The following P2RX1 variants were observed in gnomAD, a reference collection of about 807,000 sequenced individuals.
The protein encoded by P2RX1 is purinergic receptor P2X 1, also known as P2X purinoceptor 1.
A neutral mutation model predicts 50.3 loss-of-function variants in P2RX1; 42 were observed. The observed-to-expected ratio is 0.83, with a 90% CI of 0.65 to 1.08. The LOEUF (loss-of-function observed/expected upper bound fraction) is 1.08. Ranked by LOEUF, P2RX1 falls within the 50% of genes least tolerant of loss-of-function variation. The pLI is 0.00. For synonymous variants in P2RX1, 199 were observed against 202.6 expected, an observed-to-expected ratio of 0.98 and a Z score of 0.15; for missense variants, 449 against 529.0, an observed-to-expected ratio of 0.85 and a Z score of 1.48.
At chr17:3,906,637 C>A (rs947360235) in intron 1 of P2RX1, among the ~76,000 whole-genome samples, 2 of 152,256 alleles carry the variant, frequency 1.3e-5, no homozygotes, top group African/African-American at 4.8e-5. Flanking sequence ...TCGGTCGAGG[C>A]ACTGTGGGAG....
In P2RX1 at chr17:3,903,709, G is replaced by T. The variant is rs926729365; in HGVS notation, c.525-78C>A. The T allele has an allele frequency of 4.7e-6, 7 of 1,498,890 alleles. No individual in the cohort carries two copies. Among genetic ancestry groups the T allele is most frequent in the Non-Finnish European group, 6.5e-6 (7 of 1,079,976 alleles). 92.8% of individuals were successfully genotyped at this position (1,498,890 alleles called of 1,614,324 possible). A position where few individuals can be genotyped will look rare whatever the true frequency, so the allele number is the denominator to read the frequency against. On this transcript the variant is annotated intron_variant, in intron 5 of 11. Coordinates refer to ENST00000225538, the MANE Select transcript of P2RX1 (RefSeq NM_002558.4). This position sits in a 1 kb window ranked among gnomAD's most constrained non-coding sequence, Gnocchi z 4.6. Reference sequence around the variant, plus strand: ...TCCCACACAGAGCTTGGCACAGCAGGGGGTGGGCCGAGCCTCCGGGACCCG... The same window carrying T: ...TCCCACACAGAGCTTGGCACAGCAGTGGGTGGGCCGAGCCTCCGGGACCCG...
intron 1 of P2RX1, chr17:3,915,775 T>C (rs890214694): frequency 5.8e-6 from 3 of 519,902 alleles, no homozygotes; most frequent in Non-Finnish European, 1.1e-5. Context: ...TCAGTGGCTG[T>C]GGTTGGTGGT....
At chr17:3,900,965 C>T (rs1351554562) in intron 7 of P2RX1, among the ~76,000 whole-genome samples, 1 of 152,146 alleles carries the variant, frequency 6.6e-6, no homozygotes, top group Non-Finnish European at 1.5e-5. Context: ...GGCTGAGCAA[C>T]AGGAGAAGAG....
intron 1 of P2RX1, among the ~76,000 whole-genome samples, chr17:3,910,905 CTG>C (rs1205403810): frequency 2.0e-5 from 3 of 152,222 alleles, no homozygotes; most frequent in African/African-American, 4.8e-5. Flanking sequence ...TCAACAAACA[CTG>C]TGTGTTGAAT....
At chr17:3,911,538 G>T (rs142726695) in intron 1 of P2RX1, among the ~76,000 whole-genome samples, 15 of 72,616 alleles carry the variant, frequency 2.1e-4, no homozygotes, top group African/African-American at 7.7e-4. Context: ...GTCCCGCCCC[G>T]TCCCCCCTTC....
chr17:3,899,541 C>G, intron 8 of P2RX1, 93 bp downstream of exon 8: 2 of 1,547,840 alleles, frequency 1.3e-6, no homozygotes, highest in Non-Finnish European at 1.8e-6. Flanking sequence ...CTGCTCCCCT[C>G]TGGGGACACT....
At chr17:3,904,426 C>G in intron 3 of P2RX1, 27 bp from the exon 4 acceptor site, 1 of 1,606,682 alleles carries the variant, frequency 6.2e-7, no homozygotes, top group Non-Finnish European at 8.5e-7. Context: ...CTGCTGGTCC[C>G]AGGCCCCTTG....
At chr17:3,906,447 G>A (rs2056265518) in intron 1 of P2RX1, among the ~76,000 whole-genome samples, 1 of 152,204 alleles carries the variant, frequency 6.6e-6, no homozygotes, top group Non-Finnish European at 1.5e-5. Context: ...GGTACTTCTT[G>A]TAGTGATCAA....
At chr17:3,899,540 T>C in intron 8 of P2RX1, 94 bp downstream of exon 8, 1 of 1,543,578 alleles carries the variant, frequency 6.5e-7, no homozygotes, top group Non-Finnish European at 8.9e-7. Context: ...TCTGCTCCCC[T>C]CTGGGGACAC....
At position 3,916,320 on chromosome 17, in the gene P2RX1, T is replaced by C. The variant is rs1339893830; in HGVS notation, c.-95A>G. The C allele has an allele frequency of 1.8e-5, 26 of 1,422,802 alleles. No individual in the cohort carries two copies. The highest frequency in any genetic ancestry group is 2.4e-5 in the Non-Finnish European group (25 of 1,032,014). 88.1% of individuals were successfully genotyped at this position (1,422,802 alleles called of 1,614,324 possible). A position where few individuals can be genotyped will look rare whatever the true frequency, so the allele number is the denominator to read the frequency against. ...CCACCCACGTCGATGGTAGAGCTTCTGGGGGCTTCCTGGCCCCTTAGGAAG... is the reference window on the plus strand; with the variant it reads ...CCACCCACGTCGATGGTAGAGCTTCCGGGGGCTTCCTGGCCCCTTAGGAAG... On this transcript the variant is annotated 5_prime_UTR_variant, in exon 1 of 12. Transcript: ENST00000225538.
intron 1 of P2RX1, among the ~76,000 whole-genome samples, chr17:3,908,297 A>C (rs934040511): frequency 2.6e-5 from 4 of 152,316 alleles, no homozygotes; most frequent in Non-Finnish European, 5.9e-5. Context: ...GCGGTGGCTC[A>C]TGCCTGTAAT....
chr17:3,903,703 C>T lies in P2RX1; in HGVS notation c.525-72G>A, dbSNP rs112395881. ...TGTGTGTCCCACACAGAGCTTGGCA[C>T]AGCAGGGGGTGGGCCGAGCCTCCGG... is the stretch of plus-strand genomic sequence containing the variant. On this transcript the variant is annotated intron_variant, in intron 5 of 11. Transcript: ENST00000225538. The surrounding 1 kb of genome is among the most constrained non-coding windows in gnomAD (Gnocchi z 4.6). 2,165 of 1,527,206 alleles carry T rather than the reference C, an allele frequency of 1.4e-3. 39 individuals carry two copies. In the African/African-American group the frequency reaches 0.027, roughly 19 times the overall value. The allele number at this position is 1,527,206 out of a possible 1,614,324, so 94.6% of individuals were successfully genotyped here.
rs761244246 is a variant in P2RX1 at position 3,898,031 on chromosome 17, G to A, written c.1112C>T (p.Ala371Val). 6.2e-7 allele frequency: 1 copy of A among 1,613,654 alleles called. No individual in the cohort carries two copies. Among genetic ancestry groups the A allele is most frequent in the Non-Finnish European group, 8.5e-7 (1 of 1,179,908 alleles). ...TACCGCCCCTGGCCCCATGTCCTCA[G>A]CGTATTTGAACTTCTTCTGCTTGTA... The part of the protein sequence containing the change: ...HYYKQKKFKY[A>V]EDMGPGAAER... Residue 371 changes from alanine (A) to valine (V), a missense_variant, in exon 11 of 12, where the codon GCT (alanine) becomes GTT (valine). Ala to Val is a moderately conservative substitution (Grantham distance 64). Transcript: ENST00000225538.
Position 3,903,834 on chromosome 17 carries a change from T to C in P2RX1, c.524+94A>G. The stretch of plus-strand genomic sequence containing the variant: ...TTGCGCGGATGGGGTGAGGGTGGGG[T>C]CAGAAAAAGGGGTAAAGATCCTTTC... On this transcript the variant is annotated intron_variant, in intron 5 of 11. Coordinates refer to ENST00000225538, the MANE Select transcript of P2RX1 (RefSeq NM_002558.4). This position sits in a 1 kb window ranked among gnomAD's most constrained non-coding sequence, Gnocchi z 4.6. 1 of 1,214,806 alleles carries C rather than the reference T, an allele frequency of 8.2e-7. No homozygotes were observed. Among genetic ancestry groups the C allele is most frequent in the Non-Finnish European group, 1.2e-6 (1 of 823,488 alleles). 75.3% of individuals were successfully genotyped at this position (1,214,806 alleles called of 1,614,324 possible).
At chr17:3,899,209 CTT>C (rs1268774751) in intron 8 of P2RX1, among the ~76,000 whole-genome samples, 185 bp from the exon 9 acceptor site, 2 of 139,238 alleles carry the variant, frequency 1.4e-5, no homozygotes, top group Non-Finnish European at 3.1e-5. Context: ...ACTCCTTTTT[CTT>C]TTTTTTTTTT....
chr17:3,904,191 C>T lies in P2RX1; in HGVS notation c.427+139G>A, dbSNP rs374953058. ...CCAAGCCAGGGCGGAGGAGGGGAGA[C>T]GGCAGGAGGGAGTCCCTCCCGGAGG... is the stretch of plus-strand genomic sequence containing the variant. On this transcript the variant is annotated intron_variant, in intron 4 of 11. Transcript: ENST00000225538. 4.7e-5 allele frequency: 47 copies of T among 1,009,720 alleles called. 1 individual carries two copies. The highest frequency in any genetic ancestry group is 3.9e-4 in the East Asian group (16 of 40,766). The allele number at this position is 1,009,720 out of a possible 1,614,324, so 62.5% of individuals were successfully genotyped here.
In P2RX1 at chr17:3,911,440, T is replaced by C. The variant is rs532719047; in HGVS notation, c.137+4649A>G. Reference sequence around the variant, plus strand: ...CAGGTGTTACGTGCTGCGGCAACAATGGGCAGAAGCTGAGCAGGGGCCGCC... The same window carrying C: ...CAGGTGTTACGTGCTGCGGCAACAACGGGCAGAAGCTGAGCAGGGGCCGCC... On this transcript the variant is annotated intron_variant, in intron 1 of 11. Coordinates refer to ENST00000225538, the MANE Select transcript of P2RX1 (RefSeq NM_002558.4). 2.0e-5 allele frequency among the ~76,000 whole-genome samples: 3 copies of C among 152,336 alleles called. No individual in the cohort carries two copies. The South Asian group carries it at 6.2e-4, about 32-fold the overall frequency.
At chr17:3,913,940 GCTGGGT>G (rs1476997486) in intron 1 of P2RX1, among the ~76,000 whole-genome samples, 1 of 152,244 alleles carries the variant, frequency 6.6e-6, no homozygotes, top group Non-Finnish European at 1.5e-5. Flanking sequence ...CCAAGTCCAG[GCTGGGT>G]CAGGGGTTCG....
In P2RX1 at chr17:3,913,211, T is replaced by C. The variant is rs547477522; in HGVS notation, c.137+2878A>G. Among the ~76,000 whole-genome samples the C allele has an allele frequency of 6.1e-3, 917 of 151,204 alleles. 10 individuals are homozygous for C. Among genetic ancestry groups the C allele is most frequent in the African/African-American group, 0.021 (860 of 41,022 alleles). On this transcript the variant is annotated intron_variant, in intron 1 of 11. Coordinates refer to ENST00000225538, the MANE Select transcript of P2RX1 (RefSeq NM_002558.4). The stretch of plus-strand genomic sequence containing the variant: ...CAATGGGGCAATCTCAGCTCCACTC[T>C]GCCTCCAGGGTTCAAGTGATTCTGC...
Sources: allele counts gnomAD v4.1 joint callset (sites outside exome capture counted in the v4.1 genomes callset), GRCh38; gene constraint gnomAD v4.1.1; non-coding constraint Gnocchi (gnomAD v3.1); transcripts MANE v1.5; gene names NCBI Gene and HGNC (gene_info 2026-07-23, HGNC 2026-07-21).